The following RAPGEF5 variants were observed in gnomAD, a reference collection of about 807,000 sequenced individuals.
The protein encoded by RAPGEF5 is M-Ras-regulated GEF.
RAPGEF5 carries 65 observed loss-of-function variants against 125.2 expected under a neutral mutation model. The observed-to-expected ratio is 0.52, with a 90% CI of 0.43 to 0.64. The LOEUF (loss-of-function observed/expected upper bound fraction) is 0.64, where lower values mean the gene tolerates loss of function less well. Among genes scored for constraint, RAPGEF5 ranks in the 30% least tolerant of loss-of-function variants. The pLI is 0.00. For synonymous variants in RAPGEF5, 391 were observed against 385.9 expected, an observed-to-expected ratio of 1.01 and a Z score of -0.16; for missense variants, 958 against 1,048.1, an observed-to-expected ratio of 0.91 and a Z score of 1.19.
rs1782297809 is a variant in RAPGEF5, at chr7:22,266,971, C to A, written c.789G>T (p.Arg263Ser). The A allele has an allele frequency of 1.2e-6, 2 of 1,610,122 alleles. No individual in the cohort carries two copies. Among genetic ancestry groups the A allele is most frequent in the Non-Finnish European group, 1.7e-6 (2 of 1,176,796 alleles). ...CCATAAAAGATGACTTACCAGACTTCCTTGCTTTCAAAGCAATAACAGCTG... is the reference window on the plus strand; with the variant it reads ...CCATAAAAGATGACTTACCAGACTTACTTGCTTTCAAAGCAATAACAGCTG... ...ELAAVIALKA[R>S]KSAIEQDEEN... The change falls in exon 7 of 26, where the codon AGG becomes AGT. Residue 263 changes from arginine (R) to serine (S), a missense_variant. By Grantham distance (110) the Arg-to-Ser change is moderately radical (BLOSUM62 -1). Coordinates refer to ENST00000665637, the MANE Select transcript of RAPGEF5 (RefSeq NM_012294.5).
chr7:22,319,931 T>C (rs1783682434), intron 1 of RAPGEF5, among the ~76,000 whole-genome samples: 1 of 151,724 alleles, frequency 6.6e-6, no homozygotes, highest in Non-Finnish European at 1.5e-5. Context: ...CCAACCGGAA[T>C]CTGGCTGTCT....
intron 7 of RAPGEF5, among the ~76,000 whole-genome samples, chr7:22,232,081 C>G (rs373867418): frequency 1.3e-5 from 2 of 151,976 alleles, no homozygotes; most frequent in African/African-American, 4.8e-5. Context: ...AACACTGGAG[C>G]TATATTTTTT....
In RAPGEF5 at chr7:22,181,213, G is replaced by C. The variant is rs552553867; in HGVS notation, c.1204+12154C>G. ...AGCTGCTACACAAAAGAAAATATGT[G>C]ATATCAAGCAAGACTCAAAGAAAAC... On this transcript the variant is annotated intron_variant, in intron 11 of 25. Transcript: ENST00000665637. 1.2e-4 allele frequency among the ~76,000 whole-genome samples: 18 copies of C among 152,184 alleles called. No homozygotes were observed. In the South Asian group the frequency reaches 3.7e-3, roughly 32 times the overall value.
At chr7:22,338,908 T>C (rs557346350) in intron 1 of RAPGEF5, among the ~76,000 whole-genome samples, 94 of 152,276 alleles carry the variant, frequency 6.2e-4, no homozygotes, top group Middle Eastern at 3.4e-3. Flanking sequence ...GTTTGTTAAC[T>C]GTCTCTAAAA....
chr7:22,208,408 A>T (rs1225621462), intron 9 of RAPGEF5, among the ~76,000 whole-genome samples: 2 of 152,160 alleles, frequency 1.3e-5, no homozygotes, highest in Admixed American at 1.3e-4. Flanking sequence ...CACTAGTATA[A>T]CTCTTTCTAA....
At chr7:22,230,067 G>A (rs1056415030) in intron 8 of RAPGEF5, among the ~76,000 whole-genome samples, 1 of 152,142 alleles carries the variant, frequency 6.6e-6, no homozygotes, top group Non-Finnish European at 1.5e-5. Flanking sequence ...AAGAATAACA[G>A]TATTTTAAAT....
In RAPGEF5 at chr7:22,160,655, C is replaced by A. The variant is rs759849102; in HGVS notation, c.1429-40G>T. On this transcript the variant is annotated intron_variant, in intron 13 of 25. Coordinates refer to ENST00000665637, the MANE Select transcript of RAPGEF5 (RefSeq NM_012294.5). ...CAAATGAGAGCTCAGTGGTTGAATGCCCATTTTGTAGGGATTAAGACTCAT... is the reference window on the plus strand; with the variant it reads ...CAAATGAGAGCTCAGTGGTTGAATGACCATTTTGTAGGGATTAAGACTCAT... 2.0e-6 allele frequency: 3 copies of A among 1,503,050 alleles called. No individual in the cohort carries two copies. In the African/African-American group the frequency reaches 4.2e-5, roughly 21 times the overall value. The allele number at this position is 1,503,050 out of a possible 1,614,324, so 93.1% of individuals were successfully genotyped here. A position where few individuals can be genotyped will look rare whatever the true frequency, so the allele number is the denominator to read the frequency against.
At chr7:22,149,480 C>A (rs4496855) in intron 18 of RAPGEF5, among the ~76,000 whole-genome samples, 148,627 of 152,280 alleles carry the variant, frequency 0.98, 72,541 homozygotes, top group East Asian at 0.99. Context: ...GAAGTCTGGT[C>A]CTCCTATTCA....
chr7:22,266,794 C>A (rs1782292886), intron 7 of RAPGEF5, among the ~76,000 whole-genome samples, 170 bp downstream of exon 7: 2 of 152,128 alleles, frequency 1.3e-5, no homozygotes, highest in Non-Finnish European at 2.9e-5. Flanking sequence ...CATATAACAT[C>A]CTGTGCTATT....
At chr7:22,196,156 A>G (rs2128126905) in intron 9 of RAPGEF5, among the ~76,000 whole-genome samples, 1 of 152,364 alleles carries the variant, frequency 6.6e-6, no homozygotes, top group South Asian at 2.1e-4. Flanking sequence ...GAGAAAAAGC[A>G]GAAAAATTAA....
chr7:22,123,302 A>G (rs995627366), intron 25 of RAPGEF5, among the ~76,000 whole-genome samples: 1 of 152,178 alleles, frequency 6.6e-6, no homozygotes, highest in Non-Finnish European at 1.5e-5. Context: ...ATGAAGCAGC[A>G]TGAACCACGA....
At chr7:22,333,706 C>T (rs982289138) in intron 1 of RAPGEF5, among the ~76,000 whole-genome samples, 4 of 150,708 alleles carry the variant, frequency 2.7e-5, no homozygotes, top group Admixed American at 1.3e-4. Context: ...GGGATTTGCG[C>T]GCAGGCACAC....
At chr7:22,131,283 ATG>A (rs915419054) in intron 23 of RAPGEF5, among the ~76,000 whole-genome samples, 182 bp from the exon 24 acceptor site, 3 of 152,090 alleles carry the variant, frequency 2.0e-5, no homozygotes, top group Admixed American at 6.5e-5. Flanking sequence ...TGCATAATTT[ATG>A]TGTGTGTGTA....
At chr7:22,308,649 G>C (rs1330748473) in intron 4 of RAPGEF5, 142 bp from the exon 5 acceptor site, 2 of 674,378 alleles carry the variant, frequency 3.0e-6, no homozygotes, top group Non-Finnish European at 4.5e-6. Context: ...GCTCATTCAT[G>C]TTTATAATCC....
intron 9 of RAPGEF5, among the ~76,000 whole-genome samples, chr7:22,215,516 T>C (rs1894764): frequency 6.6e-6 from 1 of 152,242 alleles, no homozygotes; most frequent in Non-Finnish European, 1.5e-5. Flanking sequence ...AACTAGACTA[T>C]ACTTCTTGAG....
chr7:22,277,107 C>T (rs1376619465), intron 6 of RAPGEF5, among the ~76,000 whole-genome samples: 1 of 152,176 alleles, frequency 6.6e-6, no homozygotes, highest in South Asian at 2.1e-4. Context: ...GTAAACAGTG[C>T]TTAAAGTGCT....
At chr7:22,202,891 T>G in intron 9 of RAPGEF5, 1 of 362,894 alleles carries the variant, frequency 2.8e-6, no homozygotes, top group South Asian at 2.1e-5. Context: ...AGTTGAATAC[T>G]GGACACAGAG....
chr7:22,337,530 C>T (rs1001884085), intron 1 of RAPGEF5, among the ~76,000 whole-genome samples: 1 of 152,122 alleles, frequency 6.6e-6, no homozygotes, highest in Admixed American at 6.5e-5. Flanking sequence ...AACTTGTGGC[C>T]TTTTATTAGT....
In RAPGEF5 at chr7:22,122,202, C is replaced by T. The variant is rs896205835; in HGVS notation, c.*204G>A. 4 of 522,348 alleles carry T rather than the reference C, an allele frequency of 7.7e-6. No homozygotes were observed. The highest frequency in any genetic ancestry group is 3.1e-5 in the Admixed American group (1 of 32,242). The allele number at this position is 522,348 out of a possible 1,614,324, so 32.4% of individuals were successfully genotyped here. A position where few individuals can be genotyped will look rare whatever the true frequency, so the allele number is the denominator to read the frequency against. On this transcript the variant is annotated 3_prime_UTR_variant, in exon 26 of 26. Transcript: ENST00000665637. ...TGACTCTCCTTCTGCCTTCTTGTCC[C>T]GAGAGTAGCATGGAGAAACCTCTCC...
Sources: gnomAD v4.1 joint callset for allele counts (sites outside exome capture counted in the v4.1 genomes callset) on GRCh38, gnomAD v4.1.1 for gene constraint, MANE v1.5 for transcripts, NCBI Gene and HGNC (gene_info 2026-07-23, HGNC 2026-07-21) for gene names.